The following RAB38 variants were observed in gnomAD, a reference collection of about 807,000 sequenced individuals.
RAB38 encodes the protein RAB38, member RAS oncogene family.
A neutral mutation model predicts 18.4 loss-of-function variants in RAB38; 15 were observed. That is an observed-to-expected ratio of 0.82 (90% CI 0.55 to 1.26). RAB38 has a LOEUF of 1.26. RAB38 is among the 50% of genes most tolerant of loss of function. The probability of loss-of-function intolerance (pLI) is 0.00; values close to 1 mark genes in which losing one functional copy is unlikely to be tolerated. For synonymous variants in RAB38, 101 were observed against 104.4 expected (o/e 0.97, Z 0.20); for missense variants, 294 against 267.4 (o/e 1.10, Z -0.69).
At chr11:87,873,045 T>C in the RAB38 span, among the ~76,000 whole-genome samples, 2 of 151,718 alleles carry the variant, frequency 1.3e-5, no homozygotes, top group East Asian at 2.0e-4. Flanking sequence ...TCTTCCATCA[T>C]AGTTGTGCAA....
At chr11:88,008,967 C>T in the RAB38 span, among the ~76,000 whole-genome samples, 17 of 152,220 alleles carry the variant, frequency 1.1e-4, no homozygotes, top group African/African-American at 3.9e-4. Context: ...CCACTGTGCC[C>T]GGCGGAAATA....
intron 2 of RAB38, among the ~76,000 whole-genome samples, chr11:88,122,628 T>C (rs568234029): frequency 6.6e-6 from 1 of 152,268 alleles, no homozygotes; most frequent in South Asian, 2.1e-4. Context: ...CCCTGAGAGG[T>C]GGATAAACTA....
the RAB38 span, among the ~76,000 whole-genome samples, chr11:88,047,163 T>G: frequency 5.3e-5 from 8 of 152,168 alleles, no homozygotes; most frequent in Admixed American, 1.3e-4. Flanking sequence ...CACATATACT[T>G]TCTGCTCCCC....
the RAB38 span, among the ~76,000 whole-genome samples, chr11:87,977,219 TA>T: frequency 5.1e-5 from 5 of 97,106 alleles, 2 homozygotes; most frequent in African/African-American, 2.7e-4. Context: ...AATTATAAAA[TA>T]TAATTATATT....
At chr11:87,954,257 AG>A in the RAB38 span, among the ~76,000 whole-genome samples, 1 of 152,158 alleles carries the variant, frequency 6.6e-6, no homozygotes, top group Non-Finnish European at 1.5e-5. Flanking sequence ...TGCTGAACTC[AG>A]GGGTGAGCAT....
At chr11:88,064,990 T>C in the RAB38 span, among the ~76,000 whole-genome samples, 1 of 152,322 alleles carries the variant, frequency 6.6e-6, no homozygotes, top group African/African-American at 2.4e-5. Context: ...AAAAAGATCT[T>C]TGGCCTTATG....
At chr11:87,878,106 C>G in the RAB38 span, among the ~76,000 whole-genome samples, 2 of 149,012 alleles carry the variant, frequency 1.3e-5, no homozygotes, top group Non-Finnish European at 3.0e-5. Flanking sequence ...GGGCTAGGAT[C>G]AGAACTCATT....
At chr11:88,018,809 T>C in the RAB38 span, among the ~76,000 whole-genome samples, 2 of 152,206 alleles carry the variant, frequency 1.3e-5, no homozygotes, top group Non-Finnish European at 2.9e-5. Context: ...AGAATTTGTA[T>C]TTTTAAATTG....
the RAB38 span, among the ~76,000 whole-genome samples, chr11:88,089,738 C>T: frequency 1.5e-3 from 221 of 152,010 alleles, 1 homozygote; most frequent in Non-Finnish European, 2.0e-3. Context: ...TATTTTTCCC[C>T]GTACAAAGTC....
the RAB38 span, among the ~76,000 whole-genome samples, chr11:88,088,865 T>C: frequency 6.6e-6 from 1 of 151,752 alleles, no homozygotes; most frequent in Non-Finnish European, 1.5e-5. Flanking sequence ...GGAAAATATG[T>C]CTCTCATAGA....
chr11:88,084,319 A>C, the RAB38 span, among the ~76,000 whole-genome samples: 1 of 151,802 alleles, frequency 6.6e-6, no homozygotes, highest in Non-Finnish European at 1.5e-5. Context: ...GAATTAAAAA[A>C]AAAGTAAAGT....
the RAB38 span, among the ~76,000 whole-genome samples, chr11:87,842,329 A>T: frequency 6.6e-6 from 1 of 152,170 alleles, no homozygotes; most frequent in African/African-American, 2.4e-5. Context: ...AGAAGAAAAA[A>T]TAAGATTTTA....
the RAB38 span, among the ~76,000 whole-genome samples, chr11:87,956,415 G>T: frequency 6.6e-6 from 1 of 152,056 alleles, no homozygotes. Context: ...TAAATTCTTG[G>T]GTCCTCGCCT....
chr11:88,069,467 C>T, the RAB38 span, among the ~76,000 whole-genome samples: 15 of 152,350 alleles, frequency 9.8e-5, no homozygotes, highest in South Asian at 2.1e-4. Flanking sequence ...GCTCCAACCA[C>T]GGCCCTGGTG....
the RAB38 span, among the ~76,000 whole-genome samples, chr11:88,094,000 T>C: frequency 3.3e-5 from 5 of 151,374 alleles, no homozygotes; most frequent in East Asian, 2.0e-4. Flanking sequence ...ATTGCTTCCA[T>C]GGCTAGTGGG....
chr11:87,915,124 T>A, the RAB38 span, among the ~76,000 whole-genome samples: 28 of 152,294 alleles, frequency 1.8e-4, 1 homozygote, highest in African/African-American at 6.5e-4. Context: ...AGTGGCAGTA[T>A]GTAACCCCAA....
intron 1 of RAB38, chr11:88,166,617 G>A (rs1006291231): frequency 1.3e-5 from 2 of 151,808 alleles, no homozygotes; most frequent in Non-Finnish European, 2.9e-5. Flanking sequence ...TATAATATAC[G>A]CTTAAATTTT....
the RAB38 span, among the ~76,000 whole-genome samples, chr11:87,957,479 T>C: frequency 1.3e-5 from 2 of 152,010 alleles, no homozygotes; most frequent in Non-Finnish European, 2.9e-5. Flanking sequence ...TTATTCTAAG[T>C]CTGATGAAAA....
the RAB38 span, among the ~76,000 whole-genome samples, chr11:88,007,848 A>G: frequency 6.6e-6 from 1 of 152,146 alleles, no homozygotes; most frequent in Non-Finnish European, 1.5e-5. Context: ...CAAATGTATC[A>G]ACTGGAAAAA....
Sources: gnomAD v4.1 joint callset for allele counts (sites outside exome capture counted in the v4.1 genomes callset) on GRCh38, gnomAD v4.1.1 for gene constraint, MANE v1.5 for transcripts, NCBI Gene and HGNC (gene_info 2026-07-23, HGNC 2026-07-21) for gene names.